SEMA6A: variants seen among roughly 807,000 people sequenced by gnomAD.
SEMA6A encodes semaphorin 6A.
SEMA6A carries 25 observed loss-of-function variants against 96.8 expected under a neutral mutation model. The observed-to-expected ratio is 0.26, with a 90% CI of 0.19 to 0.36. SEMA6A has a LOEUF of 0.36. SEMA6A is among the 10% of genes least tolerant of loss of function. The probability of loss-of-function intolerance (pLI) is 1.00; values close to 1 mark genes in which losing one functional copy is unlikely to be tolerated. For missense variants in SEMA6A, 1,363 were observed against 1,323.1 expected (o/e 1.03, Z -0.47); for synonymous variants, 612 against 518.0 (o/e 1.18, Z -2.46).
intron 1 of SEMA6A, among the ~76,000 whole-genome samples, chr5:116,515,366 G>A (rs1261917851): frequency 3.3e-5 from 5 of 152,174 alleles, no homozygotes; most frequent in Admixed American, 3.3e-4. Flanking sequence ...GGGAAGCTCT[G>A]AAGTATAAGC....
chr5:116,478,359 A>C, intron 13 of SEMA6A, 183 bp downstream of exon 13: 1 of 760,216 alleles, frequency 1.3e-6, no homozygotes, highest in Non-Finnish European at 2.1e-6. Context: ...TATCTATATA[A>C]ACACACACAC....
intron 18 of SEMA6A, among the ~76,000 whole-genome samples, chr5:116,459,623 C>A (rs968392196): frequency 2.0e-5 from 3 of 152,138 alleles, no homozygotes; most frequent in Non-Finnish European, 4.4e-5. Context: ...GCTTGGAATG[C>A]CCTTCCTCCT....
intron 1 of SEMA6A, among the ~76,000 whole-genome samples, chr5:116,510,413 A>G (rs1261358059): frequency 6.6e-6 from 1 of 152,142 alleles, no homozygotes; most frequent in Admixed American, 6.5e-5. Context: ...GAGAGCAGAA[A>G]AGAGCAGGGG....
At chr5:116,469,364 G>A (rs756893072) in intron 17 of SEMA6A, 11 of 152,174 alleles carry the variant, frequency 7.2e-5, no homozygotes, top group Admixed American at 2.6e-4. Flanking sequence ...AAGAGAACAG[G>A]GGAAGGAAAA....
At chr5:116,458,000 A>T (rs747941331) in intron 18 of SEMA6A, among the ~76,000 whole-genome samples, 1 of 152,156 alleles carries the variant, frequency 6.6e-6, no homozygotes, top group Non-Finnish European at 1.5e-5. Flanking sequence ...AAGAGAAGCT[A>T]TTCTCAGGAA....
intron 3 of SEMA6A, chr5:116,498,503 T>C (rs1757719463): frequency 1.4e-5 from 2 of 145,520 alleles, no homozygotes; most frequent in South Asian, 2.1e-4. Flanking sequence ...CTCACGTGAA[T>C]ATAAAACGAG....
At chr5:116,486,546 A>C in intron 10 of SEMA6A, 1 of 541,084 alleles carries the variant, frequency 1.8e-6, no homozygotes, top group South Asian at 2.7e-5. Flanking sequence ...AATTTATCTA[A>C]TTACTTCCCC....
At position 116,475,550 on chromosome 5, in the gene SEMA6A, C is replaced by G. The variant is rs1367288998; in HGVS notation, c.1703G>C (p.Cys568Ser). Reference protein sequence around the residue: ...ERGNTDGLGDCHNSFVALNGH... With the variant: ...ERGNTDGLGDSHNSFVALNGH... ...GGATAAAAGACTGTACTTACTGTGA[C>G]AGTCCCCCAGACCATCTGTATTGCC... is the stretch of plus-strand genomic sequence containing the variant. Residue 568 changes from cysteine to serine, a missense_variant, in exon 16 of 19, where the codon TGT becomes TCT. This residue lies in a region of SEMA6A where 883 missense variants were observed against 763.6 expected (regional missense o/e 1.16). Transcript: ENST00000343348. 2.5e-6 allele frequency: 4 copies of G among 1,599,566 alleles called. No individual in the cohort carries two copies. The African/African-American group carries it at 5.4e-5, about 21-fold the overall frequency.
intron 1 of SEMA6A, among the ~76,000 whole-genome samples, chr5:116,572,880 T>C (rs979074615): frequency 3.3e-5 from 5 of 152,248 alleles, no homozygotes; most frequent in Non-Finnish European, 5.9e-5. Flanking sequence ...AGGGAAACTT[T>C]CCAGGAGCGC....
rs187087937 is a variant in SEMA6A at position 116,537,311 on chromosome 5, T to G, written c.-38-32329A>C. Among the ~76,000 whole-genome samples, 4 of 152,346 alleles carry G rather than the reference T, an allele frequency of 2.6e-5. No homozygotes were observed. In the East Asian group the frequency reaches 7.7e-4, roughly 29 times the overall value. On this transcript the variant is annotated intron_variant, in intron 1 of 18. Coordinates refer to ENST00000343348, the MANE Select transcript of SEMA6A (RefSeq NM_020796.5). ...ACCTTACTTTGTAAAGAAGCTGTTC[T>G]TCCAGAGAAGTTAAATGACTTACTC...
At chr5:116,525,555 A>G (rs1201626210) in intron 1 of SEMA6A, among the ~76,000 whole-genome samples, 2 of 151,966 alleles carry the variant, frequency 1.3e-5, no homozygotes, top group Non-Finnish European at 2.9e-5. Context: ...CTGTAGTTCC[A>G]ATTTCCCCCT....
At chr5:116,472,736 G>C (rs1328680269) in intron 17 of SEMA6A, 2 of 597,666 alleles carry the variant, frequency 3.3e-6, no homozygotes, top group East Asian at 6.1e-5. Context: ...ATTTTTGAAG[G>C]ACGGTGAAAT....
chr5:116,526,354 TC>T (rs1408502860), intron 1 of SEMA6A, among the ~76,000 whole-genome samples: 6 of 152,202 alleles, frequency 3.9e-5, no homozygotes, highest in African/African-American at 1.4e-4. Context: ...CTAATGTCTC[TC>T]TTTTTTCTTT....
At position 116,468,342 on chromosome 5, in the gene SEMA6A, T is replaced by C. The variant is rs188894088; in HGVS notation, c.1730-595A>G. ...TCAACTTCACAGGCATTCCTCTTTCTGGGATTAGTTAGTGGTTTCCAAAGG... is the reference window on the plus strand; with the variant it reads ...TCAACTTCACAGGCATTCCTCTTTCCGGGATTAGTTAGTGGTTTCCAAAGG... On this transcript the variant is annotated intron_variant, in intron 17 of 18. Coordinates refer to ENST00000343348, the MANE Select transcript of SEMA6A (RefSeq NM_020796.5). The C allele has an allele frequency of 5.2e-5, 8 of 152,492 alleles. No individual in the cohort carries two copies. In the East Asian group the frequency reaches 1.5e-3, roughly 29 times the overall value. The allele number at this position is 152,492 out of a possible 1,614,324, so 9.4% of individuals were successfully genotyped here.
At chr5:116,488,438 A>C (rs774851423) in intron 8 of SEMA6A, among the ~76,000 whole-genome samples, 2 of 152,236 alleles carry the variant, frequency 1.3e-5, no homozygotes, top group Admixed American at 6.5e-5. Context: ...GGAATTTTGC[A>C]TATCTCTGTA....
chr5:116,551,941 A>T (rs1442801997), intron 1 of SEMA6A, among the ~76,000 whole-genome samples: 3 of 152,254 alleles, frequency 2.0e-5, no homozygotes, highest in Non-Finnish European at 4.4e-5. Context: ...CATATCTGCC[A>T]GATGTTTGTC....
intron 1 of SEMA6A, among the ~76,000 whole-genome samples, chr5:116,552,503 T>A (rs1760456174): frequency 6.6e-6 from 1 of 152,156 alleles, no homozygotes; most frequent in Admixed American, 6.5e-5. Flanking sequence ...GATGATTTGC[T>A]AATAAATGAA....
intron 8 of SEMA6A, among the ~76,000 whole-genome samples, chr5:116,488,525 A>T (rs949270697): frequency 1.3e-5 from 2 of 152,202 alleles, no homozygotes; most frequent in African/African-American, 4.8e-5. Context: ...TGACTCATAC[A>T]GGGTTGTGAA....
chr5:116,449,708 T>A (rs1754503384), intron 18 of SEMA6A: 2 of 201,838 alleles, frequency 9.9e-6, no homozygotes, highest in South Asian at 2.8e-4. Flanking sequence ...GTGACTTAAG[T>A]AGAAGCAGCA....
Sources: allele counts gnomAD v4.1 joint callset (sites outside exome capture counted in the v4.1 genomes callset), GRCh38; gene constraint gnomAD v4.1.1; regional missense constraint gnomAD v4.1.1; transcripts MANE v1.5; gene names NCBI Gene and HGNC (gene_info 2026-07-23, HGNC 2026-07-21).